Variants in TBL1XR1 observed in about 807,000 individuals in gnomAD.
TBL1XR1 encodes the protein F-box-like/WD repeat-containing protein TBL1XR1.
A neutral mutation model predicts 66.9 loss-of-function variants in TBL1XR1; 5 were observed. The ratio of observed to expected loss-of-function variants is 0.07; its 90% CI spans 0.04 to 0.16. The LOEUF is 0.16. Among genes scored for constraint, TBL1XR1 ranks in the 10% least tolerant of loss-of-function variants. The pLI is 1.00. For synonymous variants in TBL1XR1, 210 were observed against 206.0 expected, an observed-to-expected ratio of 1.02 and a Z score of -0.17; for missense variants, 238 against 623.2, an observed-to-expected ratio of 0.38 and a Z score of 6.58.
intron 13 of TBL1XR1, among the ~76,000 whole-genome samples, chr3:177,033,892 A>T (rs879669010): frequency 6.6e-6 from 1 of 152,136 alleles, no homozygotes; most frequent in Non-Finnish European, 1.5e-5. Flanking sequence ...ACACAAAGGT[A>T]TAAGAATGAT....
intron 1 of TBL1XR1, among the ~76,000 whole-genome samples, chr3:177,157,805 T>C (rs931203607): frequency 1.3e-5 from 2 of 152,162 alleles, no homozygotes; most frequent in Non-Finnish European, 2.9e-5. Context: ...CTAACTGCAA[T>C]TGGGAACAAG....
intron 1 of TBL1XR1, among the ~76,000 whole-genome samples, chr3:177,182,824 A>T (rs1734988381): frequency 6.6e-6 from 1 of 152,212 alleles, no homozygotes; most frequent in African/African-American, 2.4e-5. Flanking sequence ...ATGTTATGGC[A>T]TGTAAATTTT....
chr3:177,038,986 A>G (rs1286511909), intron 10 of TBL1XR1, among the ~76,000 whole-genome samples: 1 of 152,192 alleles, frequency 6.6e-6, no homozygotes, highest in African/African-American at 2.4e-5. Context: ...AAAATCTGCA[A>G]CTTTTTGAAT....
chr3:177,045,427 CA>C (rs1716192637), intron 10 of TBL1XR1, among the ~76,000 whole-genome samples: 1 of 152,012 alleles, frequency 6.6e-6, no homozygotes, highest in East Asian at 1.9e-4. Context: ...AGCGTGGGCA[CA>C]AAAATATGGC....
intron 1 of TBL1XR1, among the ~76,000 whole-genome samples, chr3:177,118,754 G>A (rs1726615509): frequency 6.6e-6 from 1 of 152,156 alleles, no homozygotes; most frequent in Non-Finnish European, 1.5e-5. Flanking sequence ...GGGGAGTAGA[G>A]ACAAAATGAA....
chr3:177,109,799 T>TGGGTTGCAATATTAACAG (rs1028983179), intron 1 of TBL1XR1, among the ~76,000 whole-genome samples: 3 of 152,054 alleles, frequency 2.0e-5, no homozygotes, highest in African/African-American at 7.2e-5. Flanking sequence ...GAGGAACCCC[T>TGGGTTGCAATATTAACAG]GGGTTGCAAT....
At chr3:177,185,324 A>AC (rs201828083) in intron 1 of TBL1XR1, among the ~76,000 whole-genome samples, 2,413 of 152,246 alleles carry the variant, frequency 0.016, 56 homozygotes, top group African/African-American at 0.055. Context: ...ATAGCAGCCA[A>AC]CCGGCCAGGG....
chr3:177,131,751 C>T (rs1018959760), intron 1 of TBL1XR1, among the ~76,000 whole-genome samples: 1 of 152,020 alleles, frequency 6.6e-6, no homozygotes, highest in African/African-American at 2.4e-5. Flanking sequence ...ATCCACTCTC[C>T]TTGGTCTCCC....
At chr3:177,156,436 T>C (rs1329454469) in intron 1 of TBL1XR1, among the ~76,000 whole-genome samples, 1 of 150,702 alleles carries the variant, frequency 6.6e-6, no homozygotes, top group African/African-American at 2.4e-5. Flanking sequence ...GAGGCAGAGG[T>C]TGCAGTGAGC....
At chr3:177,034,127 C>T (rs139505165) in intron 13 of TBL1XR1, 71 bp downstream of exon 13, 3 of 1,327,216 alleles carry the variant, frequency 2.3e-6, no homozygotes, top group African/African-American at 1.5e-5. Flanking sequence ...CTTCCCTAAA[C>T]TTCTGTCATA....
intron 9 of TBL1XR1, 33 bp downstream of exon 9, chr3:177,047,267 C>CATTT: frequency 6.7e-7 from 1 of 1,497,674 alleles, no homozygotes; most frequent in Non-Finnish European, 9.0e-7. Flanking sequence ...CTCTGTAATA[C>CATTT]ATTTGCCTTT....
At chr3:177,069,207 G>A (rs193063489) in intron 2 of TBL1XR1, among the ~76,000 whole-genome samples, 1 of 152,242 alleles carries the variant, frequency 6.6e-6, no homozygotes, top group Admixed American at 6.5e-5. Flanking sequence ...AACCTTGCAA[G>A]CTACCTGAGA....
At chr3:177,027,194 T>C (rs1713261157) in intron 14 of TBL1XR1, 1 of 152,236 alleles carries the variant, frequency 6.6e-6, no homozygotes, top group Admixed American at 6.5e-5. Context: ...AGACAAGGTC[T>C]CACCGTGTTG....
chr3:177,178,784 T>C (rs987754893), intron 1 of TBL1XR1, among the ~76,000 whole-genome samples: 1 of 152,062 alleles, frequency 6.6e-6, no homozygotes, highest in East Asian at 1.9e-4. Flanking sequence ...GGTATAAATA[T>C]TCTTCACCCA....
chr3:177,160,774 TC>T (rs764617426), intron 1 of TBL1XR1: 1 of 152,060 alleles, frequency 6.6e-6, no homozygotes, highest in African/African-American at 2.4e-5. Context: ...GGAGGGTGGA[TC>T]ACCTGAGGTC....
chr3:177,081,007 G>T (rs921020944), intron 2 of TBL1XR1, among the ~76,000 whole-genome samples: 12 of 152,154 alleles, frequency 7.9e-5, no homozygotes, highest in African/African-American at 2.2e-4. Flanking sequence ...ACTTTTAAAG[G>T]ATGTAAAGAT....
chr3:177,160,867 A>C (rs559108794), intron 1 of TBL1XR1: 1 of 152,086 alleles, frequency 6.6e-6, no homozygotes, highest in East Asian at 1.9e-4. Context: ...ATGGTAGTGC[A>C]TACCTGAGGT....
chr3:177,130,840 T>C (rs913787799), intron 1 of TBL1XR1, among the ~76,000 whole-genome samples: 2 of 152,048 alleles, frequency 1.3e-5, no homozygotes, highest in Non-Finnish European at 2.9e-5. Flanking sequence ...CCACCATATT[T>C]GGGGTTTAGA....
intron 1 of TBL1XR1, among the ~76,000 whole-genome samples, chr3:177,148,918 G>C (rs893031261): frequency 7.4e-5 from 11 of 149,252 alleles, no homozygotes; most frequent in Non-Finnish European, 1.0e-4. Context: ...GCAGGAGAAT[G>C]ACTTGAACCC....
Sources: gnomAD v4.1 joint callset for allele counts (sites outside exome capture counted in the v4.1 genomes callset) on GRCh38, gnomAD v4.1.1 for gene constraint, MANE v1.5 for transcripts, NCBI Gene and HGNC (gene_info 2026-07-23, HGNC 2026-07-21) for gene names.